The following CDH18 variants were observed in gnomAD, a reference collection of about 807,000 sequenced individuals.
CDH18 encodes cadherin 18.
CDH18 carries 31 observed loss-of-function variants against 67.9 expected under a neutral mutation model. That is an observed-to-expected ratio of 0.46 (90% CI 0.34 to 0.62). CDH18 has a LOEUF of 0.62. CDH18 is among the 20% of genes least tolerant of loss of function. The probability of loss-of-function intolerance (pLI) is 0.01; values close to 1 mark genes in which losing one functional copy is unlikely to be tolerated. For missense variants in CDH18, 890 were observed against 975.5 expected (o/e 0.91, Z 1.17); for synonymous variants, 362 against 347.2 (o/e 1.04, Z -0.48).
intron 3 of CDH18, among the ~76,000 whole-genome samples, chr5:19,831,432 A>C (rs1781020909): frequency 6.6e-6 from 1 of 152,056 alleles, no homozygotes; most frequent in Non-Finnish European, 1.5e-5. Flanking sequence ...AAACAACCCT[A>C]TTAAAAATGG....
At chr5:20,468,598 CTG>C (rs767123077) in intron 1 of CDH18, among the ~76,000 whole-genome samples, 4 of 152,130 alleles carry the variant, frequency 2.6e-5, no homozygotes, top group Non-Finnish European at 4.4e-5. Flanking sequence ...CCAATATTAA[CTG>C]TTAAATTTTC....
intron 7 of CDH18, among the ~76,000 whole-genome samples, chr5:19,578,355 T>C (rs1742663541): frequency 6.6e-6 from 1 of 152,196 alleles, no homozygotes; most frequent in Non-Finnish European, 1.5e-5. Flanking sequence ...TTCACAAGCT[T>C]CTCATTTTCT....
intron 2 of CDH18, among the ~76,000 whole-genome samples, chr5:20,216,534 T>C (rs1025790429): frequency 1.3e-5 from 2 of 151,948 alleles, no homozygotes; most frequent in African/African-American, 4.8e-5. Context: ...AATTACTTCT[T>C]CTTCATTATT....
intron 1 of CDH18, among the ~76,000 whole-genome samples, chr5:20,532,333 C>T (rs531411145): frequency 1.3e-5 from 2 of 152,222 alleles, no homozygotes; most frequent in South Asian, 4.1e-4. Context: ...CTTTCTAAAG[C>T]AGTCACTAAC....
At position 19,612,461 on chromosome 5, in the gene CDH18, T is replaced by A; in HGVS notation, c.784A>T (p.Asn262Tyr). Reference sequence around the variant, plus strand: ...TGAGGAAAGCGTGGTGGGTTGTCATTGACATCGGTTAAGGTGATGTTGACT... The same window carrying A: ...TGAGGAAAGCGTGGTGGGTTGTCATAGACATCGGTTAAGGTGATGTTGACT... The part of the protein sequence containing the change: ...TTVNITLTDV[N>Y]DNPPRFPQKH... Residue 262 changes from asparagine (N) to tyrosine (Y), a missense_variant, in exon 6 of 13, where the codon AAT becomes TAT. Asn to Tyr is a moderately radical substitution (Grantham distance 143). Transcript: ENST00000382275. 6.2e-7 allele frequency: 1 copy of A among 1,614,136 alleles called. No homozygotes were observed. The highest frequency in any genetic ancestry group is 8.5e-7 in the Non-Finnish European group (1 of 1,180,002).
chr5:20,054,359 T>C (rs1231317016), intron 2 of CDH18, among the ~76,000 whole-genome samples: 1 of 152,214 alleles, frequency 6.6e-6, no homozygotes, highest in African/African-American at 2.4e-5. Context: ...GCCATTATTA[T>C]CTTTTAATGT....
chr5:19,938,793 A>T (rs1794536172), intron 2 of CDH18, among the ~76,000 whole-genome samples: 1 of 151,556 alleles, frequency 6.6e-6, no homozygotes, highest in South Asian at 2.1e-4. Context: ...TCATTTAAAA[A>T]AATCACTAGT....
intron 3 of CDH18, among the ~76,000 whole-genome samples, chr5:19,828,292 G>C (rs1230828356): frequency 2.0e-5 from 3 of 152,004 alleles, no homozygotes; most frequent in Admixed American, 6.6e-5. Flanking sequence ...AGATGTATAA[G>C]GAAGAGTTGG....
intron 1 of CDH18, among the ~76,000 whole-genome samples, chr5:20,492,844 G>A (rs1753671472): frequency 6.6e-6 from 1 of 152,066 alleles, no homozygotes; most frequent in Non-Finnish European, 1.5e-5. Context: ...CACATGCCTT[G>A]ATGAATCGCT....
chr5:20,105,933 C>T (rs757794803), intron 2 of CDH18, among the ~76,000 whole-genome samples: 5 of 152,124 alleles, frequency 3.3e-5, no homozygotes, highest in Admixed American at 6.5e-5. Flanking sequence ...TTTCCTGCTA[C>T]GTCTATAGGG....
intron 2 of CDH18, among the ~76,000 whole-genome samples, chr5:20,080,199 A>G (rs1419010259): frequency 1.3e-5 from 2 of 152,144 alleles, no homozygotes; most frequent in African/African-American, 4.8e-5. Context: ...CCTTTTCTTT[A>G]TACATAATGA....
At chr5:20,238,710 T>A (rs1742659897) in intron 2 of CDH18, among the ~76,000 whole-genome samples, 1 of 152,154 alleles carries the variant, frequency 6.6e-6, no homozygotes, top group Non-Finnish European at 1.5e-5. Flanking sequence ...AAAGAAAGTA[T>A]GTGGCCATAT....
Position 19,819,323 on chromosome 5 carries a change from G to A in CDH18, c.228+19436C>T, listed in dbSNP as rs563186271. 2.6e-5 allele frequency among the ~76,000 whole-genome samples: 4 copies of A among 152,276 alleles called. No homozygotes were observed. In the East Asian group the frequency reaches 7.7e-4, roughly 29 times the overall value. On this transcript the variant is annotated intron_variant, in intron 3 of 12. Transcript: ENST00000382275. The stretch of plus-strand genomic sequence containing the variant: ...GAACTCTTATTAAAAATTTAGTAAA[G>A]TAGAATAAGATGGCCAACTAGACAC...
chr5:19,753,686 T>G (rs1313637540), intron 3 of CDH18, among the ~76,000 whole-genome samples: 1 of 152,184 alleles, frequency 6.6e-6, no homozygotes, highest in Non-Finnish European at 1.5e-5. Flanking sequence ...ATAGGTCATC[T>G]AAAGTTACGA....
At chr5:20,147,500 T>C (rs997224207) in intron 2 of CDH18, among the ~76,000 whole-genome samples, 1 of 152,088 alleles carries the variant, frequency 6.6e-6, no homozygotes, top group Non-Finnish European at 1.5e-5. Context: ...TTAATTTCTG[T>C]AAATAGTTTT....
intron 2 of CDH18, among the ~76,000 whole-genome samples, chr5:19,961,918 T>C (rs954631448): frequency 1.8e-4 from 27 of 152,082 alleles, no homozygotes; most frequent in African/African-American, 6.0e-4. Context: ...TAAGTTTGTA[T>C]TTTTTAAACC....
intron 1 of CDH18, among the ~76,000 whole-genome samples, chr5:20,404,735 C>T (rs956920739): frequency 1.3e-5 from 2 of 152,020 alleles, no homozygotes; most frequent in Non-Finnish European, 1.5e-5. Flanking sequence ...AATTGCCAAA[C>T]GTGATATGGA....
intron 2 of CDH18, among the ~76,000 whole-genome samples, chr5:20,060,663 TA>T (rs1372274433): frequency 2.6e-5 from 4 of 152,074 alleles, no homozygotes; most frequent in African/African-American, 7.2e-5. Context: ...GGCAATAGTT[TA>T]AAAAATATTA....
At chr5:19,811,194 AGAAGGAAG>A (rs150881407) in intron 3 of CDH18, among the ~76,000 whole-genome samples, 3 of 127,590 alleles carry the variant, frequency 2.4e-5, no homozygotes, top group Admixed American at 7.8e-5. Context: ...AGGGAGAGAA[AGAAGGAAG>A]GAAGGAAGGA....
Sources: gnomAD v4.1 joint callset for allele counts (sites outside exome capture counted in the v4.1 genomes callset) on GRCh38, gnomAD v4.1.1 for gene constraint, MANE v1.5 for transcripts, NCBI Gene and HGNC (gene_info 2026-07-23, HGNC 2026-07-21) for gene names.